PPARG: variants seen among roughly 807,000 people sequenced by gnomAD.
PPARG encodes peroxisome proliferator activated receptor gamma.
Under a neutral mutation model 39.2 loss-of-function variants are expected in PPARG, and 17 were observed. That is an observed-to-expected ratio of 0.43 (90% confidence interval 0.30 to 0.65). The LOEUF is 0.65. Among genes scored for constraint, PPARG ranks in the 30% least tolerant of loss-of-function variants. PPARG has a pLI of 0.13. For missense variants in PPARG, 406 were observed against 585.9 expected, an observed-to-expected ratio of 0.69 and a Z score of 3.17; for synonymous variants, 223 against 215.7, an observed-to-expected ratio of 1.03 and a Z score of -0.30.
intron 2 of PPARG, among the ~76,000 whole-genome samples, chr3:12,358,111 A>G (rs1255687847): frequency 6.6e-6 from 1 of 152,210 alleles, no homozygotes; most frequent in East Asian, 1.9e-4. Context: ...CTGTTAGTTA[A>G]TTTGCACCGT....
intron 2 of PPARG, among the ~76,000 whole-genome samples, chr3:12,368,111 A>G (rs889898392): frequency 4.6e-5 from 7 of 151,906 alleles, no homozygotes; most frequent in African/African-American, 1.7e-4. Context: ...ATGAAAATAC[A>G]TTTGTTTATA....
intron 2 of PPARG, among the ~76,000 whole-genome samples, chr3:12,353,972 C>G (rs1189582082): frequency 1.3e-5 from 2 of 152,176 alleles, no homozygotes; most frequent in African/African-American, 4.8e-5. Flanking sequence ...AAGATGATGA[C>G]ACACTTGTCC....
At chr3:12,419,277 C>A (rs1473577978) in intron 7 of PPARG, among the ~76,000 whole-genome samples, 1 of 151,954 alleles carries the variant, frequency 6.6e-6, no homozygotes, top group African/African-American at 2.4e-5. Flanking sequence ...AAATATACTA[C>A]CTGGCATGGT....
intron 7 of PPARG, among the ~76,000 whole-genome samples, chr3:12,417,744 A>G (rs1001467658): frequency 2.6e-5 from 4 of 152,150 alleles, no homozygotes; most frequent in African/African-American, 9.7e-5. Context: ...TAAGAATGCA[A>G]TGTGAACCGA....
At chr3:12,330,301 TTAAAAAAA>T (rs1389249693) in intron 2 of PPARG, among the ~76,000 whole-genome samples, 3 of 114,520 alleles carry the variant, frequency 2.6e-5, no homozygotes, top group African/African-American at 6.4e-5. Context: ...ACACCTTTTT[TTAAAAAAA>T]AAAAAAAAAA....
At chr3:12,354,919 C>T (rs1321690076) in intron 2 of PPARG, among the ~76,000 whole-genome samples, 3 of 152,104 alleles carry the variant, frequency 2.0e-5, no homozygotes, top group Non-Finnish European at 2.9e-5. Flanking sequence ...GATGATCAAA[C>T]TTAGAGAAAG....
intron 1 of PPARG, among the ~76,000 whole-genome samples, chr3:12,298,520 C>T (rs908353621): frequency 4.6e-5 from 7 of 151,960 alleles, no homozygotes; most frequent in Non-Finnish European, 8.8e-5. Flanking sequence ...CCTTTGACAG[C>T]GGTTACAGAT....
chr3:12,354,528 G>A (rs144750688), intron 2 of PPARG, among the ~76,000 whole-genome samples: 21 of 151,942 alleles, frequency 1.4e-4, no homozygotes, highest in African/African-American at 3.6e-4. Context: ...GGCAGATCAC[G>A]AGGTCAGGAG....
chr3:12,311,165 G>A (rs2047232691), intron 1 of PPARG, among the ~76,000 whole-genome samples: 1 of 152,120 alleles, frequency 6.6e-6, no homozygotes, highest in African/African-American at 2.4e-5. Context: ...GTGCAGTGGT[G>A]TGATCATAGC....
intron 1 of PPARG, among the ~76,000 whole-genome samples, chr3:12,302,530 A>T (rs906711878): frequency 6.6e-6 from 1 of 152,100 alleles, no homozygotes; most frequent in African/African-American, 2.4e-5. Context: ...CAAATTAAGA[A>T]AAAAAAAGTT....
chr3:12,381,210 A>T, intron 3 of PPARG, 112 bp from the exon 4 acceptor site: 1 of 1,108,192 alleles, frequency 9.0e-7, no homozygotes, highest in Non-Finnish European at 1.3e-6. Context: ...CTGTGCTTTT[A>T]CACTGAAACA....
intron 2 of PPARG, among the ~76,000 whole-genome samples, chr3:12,350,360 A>G (rs1315218044): frequency 6.6e-6 from 1 of 152,174 alleles, no homozygotes; most frequent in Non-Finnish European, 1.5e-5. Context: ...CTCTTGCACC[A>G]TGATTGACAG....
intron 2 of PPARG, among the ~76,000 whole-genome samples, chr3:12,375,307 A>T (rs1399515004): frequency 6.6e-6 from 1 of 152,160 alleles, no homozygotes; most frequent in Admixed American, 6.5e-5. Context: ...ATAGGAAGTC[A>T]CTGAAATTGT....
At chr3:12,354,741 G>A (rs527964361) in intron 2 of PPARG, among the ~76,000 whole-genome samples, 41 of 128,378 alleles carry the variant, frequency 3.2e-4, no homozygotes, top group African/African-American at 6.9e-4. Flanking sequence ...GCGACAGAGC[G>A]AGACTCCATC....
intron 1 of PPARG, among the ~76,000 whole-genome samples, chr3:12,298,100 C>G (rs1458706903): frequency 6.6e-6 from 1 of 150,648 alleles, no homozygotes; most frequent in Non-Finnish European, 1.5e-5. Context: ...GAGATCGAGA[C>G]CATCCCGGCT....
In PPARG at chr3:12,434,237, A is replaced by C; in HGVS notation, c.*92A>C. 1 of 1,523,238 alleles carries C rather than the reference A, an allele frequency of 6.6e-7. No individual in the cohort carries two copies. Among genetic ancestry groups the C allele is most frequent in the Non-Finnish European group, 9.0e-7 (1 of 1,111,792 alleles). 94.4% of individuals were successfully genotyped at this position (1,523,238 alleles called of 1,614,324 possible). A position where few individuals can be genotyped will look rare whatever the true frequency, so the allele number is the denominator to read the frequency against. Reference sequence around the variant, plus strand: ...ACACCTAAGAAATTTACTGTGAAAAAGCATTTTAAAAAGAAAAGGTTTTAG... The same window carrying C: ...ACACCTAAGAAATTTACTGTGAAAACGCATTTTAAAAAGAAAAGGTTTTAG... On this transcript the variant is annotated 3_prime_UTR_variant, in exon 8 of 8. Transcript: ENST00000651735. This position sits in a 1 kb window ranked among gnomAD's most constrained non-coding sequence, Gnocchi z 4.2.
At chr3:12,393,115 C>G (rs2050137156) in intron 5 of PPARG, among the ~76,000 whole-genome samples, 1 of 149,722 alleles carries the variant, frequency 6.7e-6, no homozygotes, top group Non-Finnish European at 1.5e-5. Flanking sequence ...TGTCGTTCTG[C>G]TTTAAATGTA....
chr3:12,358,983 C>G (rs183319073), intron 2 of PPARG, among the ~76,000 whole-genome samples: 1 of 152,142 alleles, frequency 6.6e-6, no homozygotes, highest in Non-Finnish European at 1.5e-5. Context: ...CTTGATCATC[C>G]CAATGGCTCC....
chr3:12,399,129 T>C (rs2050374272), intron 5 of PPARG, among the ~76,000 whole-genome samples: 1 of 152,180 alleles, frequency 6.6e-6, no homozygotes, highest in African/African-American at 2.4e-5. Flanking sequence ...CAGTGTTGCA[T>C]CAACGAAGTG....
Sources: allele counts gnomAD v4.1 joint callset (sites outside exome capture counted in the v4.1 genomes callset), GRCh38; gene constraint gnomAD v4.1.1; non-coding constraint Gnocchi (gnomAD v3.1); transcripts MANE v1.5; gene names NCBI Gene and HGNC (gene_info 2026-07-23, HGNC 2026-07-21).